The following INPP5D variants were observed in gnomAD, a reference collection of about 807,000 sequenced individuals.
INPP5D encodes the protein inositol polyphosphate-5-phosphatase D.
Under a neutral mutation model 122.9 loss-of-function variants are expected in INPP5D, and 33 were observed. The observed-to-expected ratio is 0.27, with a 90% CI of 0.20 to 0.36. The LOEUF is 0.36. INPP5D is among the 10% of genes least tolerant of loss of function. The pLI, the probability that INPP5D is intolerant of heterozygous loss-of-function variation, is 1.00. For missense variants in INPP5D, 1,053 were observed against 1,412.7 expected (o/e 0.75, Z 4.08); for synonymous variants, 584 against 576.2 (o/e 1.01, Z -0.19).
Position 233,207,715 on chromosome 2 carries a change from C to T in INPP5D, c.*1007C>T, listed in dbSNP as rs1392419739. ...CAGCCTTTTCTTCCTATCTCTGTGG[C>T]TTTCAGCTCTGCTTCCTTGGTTATT... is the stretch of plus-strand genomic sequence containing the variant. On this transcript the variant is annotated 3_prime_UTR_variant, in exon 27 of 27. Coordinates refer to ENST00000445964, the MANE Select transcript of INPP5D (RefSeq NM_001017915.3). This position sits in a 1 kb window ranked among gnomAD's most constrained non-coding sequence, Gnocchi z 4.6. 2.6e-5 allele frequency: 4 copies of T among 152,382 alleles called. No homozygotes were observed. Among genetic ancestry groups the T allele is most frequent in the Non-Finnish European group, 5.9e-5 (4 of 68,054 alleles). 9.4% of individuals were successfully genotyped at this position (152,382 alleles called of 1,614,324 possible). A position where few individuals can be genotyped will look rare whatever the true frequency, so the allele number is the denominator to read the frequency against.
At chr2:233,138,303 TAAAA>T (rs749510803) in intron 5 of INPP5D, among the ~76,000 whole-genome samples, 4,545 of 103,624 alleles carry the variant, frequency 0.044, 158 homozygotes, top group East Asian at 0.29. Context: ...TAAGATTGTC[TAAAA>T]AAAAAAAAAA....
chr2:233,061,022 C>G (rs773383887), intron 1 of INPP5D, among the ~76,000 whole-genome samples: 7 of 152,192 alleles, frequency 4.6e-5, no homozygotes, highest in Non-Finnish European at 1.0e-4. Flanking sequence ...AAGGGGGACC[C>G]TTCCTGGAGC....
In INPP5D at chr2:233,125,911, C is replaced by T; in HGVS notation, c.516C>T (p.Asp172=). ...ETLFQRLQSM[D]TSGLPEEHLK... is the part of the protein sequence containing the mutation. The stretch of plus-strand genomic sequence containing the variant: ...TGTTCCAGCGACTGCAAAGCATGGA[C>T]ACCAGTGGGTGAGTCCCCACTCAAG... Residue 172 remains aspartate (D), a synonymous_variant, in exon 4 of 27, where the codon GAC becomes GAT. Coordinates refer to ENST00000445964, the MANE Select transcript of INPP5D (RefSeq NM_001017915.3). 3 of 1,613,404 alleles carry T rather than the reference C, an allele frequency of 1.9e-6. No homozygotes were observed. Among genetic ancestry groups the T allele is most frequent in the Non-Finnish European group, 2.5e-6 (3 of 1,179,612 alleles).
intron 26 of INPP5D, 151 bp downstream of exon 26, chr2:233,204,868 G>A (rs758038799): frequency 2.4e-6 from 3 of 1,257,664 alleles, no homozygotes; most frequent in Non-Finnish European, 2.1e-6. Flanking sequence ...GCACACATGC[G>A]AGTGATGGTC....
rs28437902 is a variant in INPP5D at position 233,162,003 on chromosome 2, T to C, written c.1240+177T>C. Among the ~76,000 whole-genome samples, 578 of 152,302 alleles carry C rather than the reference T, an allele frequency of 3.8e-3. 6 individuals carry two copies. The highest frequency in any genetic ancestry group is 0.014 in the Middle Eastern group (4 of 294). ...CTCCTTCCTGAGGAATTCCACCCTT[T>C]TCCTGAGATGATGGGTAAGAAAAAC... On this transcript the variant is annotated intron_variant, in intron 11 of 26. Transcript: ENST00000445964.
chr2:233,156,470 A>G (rs944373227), intron 9 of INPP5D, among the ~76,000 whole-genome samples: 1 of 151,934 alleles, frequency 6.6e-6, no homozygotes, highest in African/African-American at 2.4e-5. Flanking sequence ...TTTGTTTTGT[A>G]TTTTAGTAGA....
rs560060210 is a variant in INPP5D at position 233,125,818 on chromosome 2, G to A, written c.423G>A (p.Lys141=). The A allele has an allele frequency of 3.7e-6, 6 of 1,613,964 alleles. No homozygotes were observed. The highest frequency in any genetic ancestry group is 3.3e-5 in the South Asian group (3 of 91,068). Residue 141 remains lysine (K), a synonymous_variant, in exon 4 of 27, where the codon AAG becomes AAA. Coordinates refer to ENST00000445964, the MANE Select transcript of INPP5D (RefSeq NM_001017915.3). ...TGACTGCCAGCTCCTGTGAGGCCAAGGAGGTTCCTTTTTCAAACGAGAATC... is the reference window on the plus strand; with the variant it reads ...TGACTGCCAGCTCCTGTGAGGCCAAAGAGGTTCCTTTTTCAAACGAGAATC... The part of the protein sequence containing the change: ...IPLTASSCEA[K]EVPFSNENPR...
chr2:233,155,384 A>G (rs2106287438), intron 9 of INPP5D, among the ~76,000 whole-genome samples: 1 of 152,274 alleles, frequency 6.6e-6, no homozygotes, highest in South Asian at 2.1e-4. Context: ...GCGCTTTGGG[A>G]GGCCAAGGCA....
chr2:233,137,550 G>A (rs1693499327), intron 5 of INPP5D, among the ~76,000 whole-genome samples: 1 of 150,500 alleles, frequency 6.6e-6, no homozygotes. Flanking sequence ...CTGCCTCCTG[G>A]GTTCAAGCTA....
At chr2:233,154,115 G>A (rs1037580788) in intron 9 of INPP5D, among the ~76,000 whole-genome samples, 5 of 152,000 alleles carry the variant, frequency 3.3e-5, no homozygotes, top group Non-Finnish European at 7.4e-5. Context: ...CAGGAAACAG[G>A]GGACACAAAG....
At chr2:233,167,091 G>A (rs1330445627) in intron 13 of INPP5D, among the ~76,000 whole-genome samples, 1 of 151,622 alleles carries the variant, frequency 6.6e-6, no homozygotes, top group African/African-American at 2.4e-5. Context: ...TAAACACCCT[G>A]CTAGGCACGA....
Position 233,199,885 on chromosome 2 carries a change from C to T in INPP5D, c.2975+1509C>T, listed in dbSNP as rs560517988. On this transcript the variant is annotated intron_variant, in intron 25 of 26. Coordinates refer to ENST00000445964, the MANE Select transcript of INPP5D (RefSeq NM_001017915.3). Reference sequence around the variant, plus strand: ...AGTTAACCTTTGGGCATCTCCCGCTCCCTAGAGGGCCCTGTGGAACAGGGT... The same window carrying T: ...AGTTAACCTTTGGGCATCTCCCGCTTCCTAGAGGGCCCTGTGGAACAGGGT... Among the ~76,000 whole-genome samples, 4 of 152,304 alleles carry T rather than the reference C, an allele frequency of 2.6e-5. No homozygotes were observed. In the East Asian group the frequency reaches 7.7e-4, roughly 29 times the overall value.
intron 26 of INPP5D, 149 bp downstream of exon 26, chr2:233,204,866 G>T (rs1695452989): frequency 7.9e-7 from 1 of 1,273,846 alleles, no homozygotes; most frequent in African/African-American, 1.5e-5. Context: ...GTGCACACAT[G>T]CGAGTGATGG....
Position 233,130,492 on chromosome 2 carries a change from TTTTTC to T in INPP5D, c.525-7_525-3del. ...AAACAGGCAAGCATAGTTTGTTTCT[TTTTTC>T]TTTTCTTTAGGCTTCCAGAAGAGCA... On this transcript the variant is annotated splice_polypyrimidine_tract_variant and intron_variant, in intron 4 of 26. Transcript: ENST00000445964. 6.2e-7 allele frequency: 1 copy of T among 1,612,030 alleles called. No individual in the cohort carries two copies. Among genetic ancestry groups the T allele is most frequent in the Non-Finnish European group, 8.5e-7 (1 of 1,179,300 alleles).
intron 2 of INPP5D, among the ~76,000 whole-genome samples, chr2:233,094,510 CCCAAAAAAAAAAAAA>C (rs1395414228): frequency 1.1e-4 from 3 of 27,798 alleles, no homozygotes; most frequent in Admixed American, 4.9e-4. Flanking sequence ...AAGACTCCAT[CCCAAAAAAAAAAAAA>C]AAAAAAAAAA....
intron 1 of INPP5D, among the ~76,000 whole-genome samples, chr2:233,063,615 G>C (rs1179759638): frequency 1.3e-5 from 2 of 152,236 alleles, no homozygotes; most frequent in Admixed American, 1.3e-4. Flanking sequence ...ATTTCCTCGA[G>C]AGAGGTCAGC....
At chr2:233,154,497 A>C (rs890257669) in intron 9 of INPP5D, among the ~76,000 whole-genome samples, 5 of 152,192 alleles carry the variant, frequency 3.3e-5, no homozygotes, top group Non-Finnish European at 7.4e-5. Context: ...GGGGAGGAAG[A>C]CAGGTTTTAT....
chr2:233,179,166 G>A (rs1237391265), intron 18 of INPP5D, among the ~76,000 whole-genome samples: 2 of 139,524 alleles, frequency 1.4e-5, no homozygotes, highest in African/African-American at 5.2e-5. Context: ...TCATAGCCAC[G>A]GCCAGGGCAT....
Position 233,073,362 on chromosome 2 carries a change from G to A in INPP5D, c.135-5973G>A, listed in dbSNP as rs148463103. On this transcript the variant is annotated intron_variant, in intron 1 of 26. Transcript: ENST00000445964. Reference sequence around the variant, plus strand: ...TATTCTAAAAAATGATCTCTGGACCGGACACAGTGGCTCACGCCTGTAATC... The same window carrying A: ...TATTCTAAAAAATGATCTCTGGACCAGACACAGTGGCTCACGCCTGTAATC... 1.4e-3 allele frequency among the ~76,000 whole-genome samples: 215 copies of A among 152,170 alleles called. 2 individuals are homozygous for A. Among genetic ancestry groups the A allele is most frequent in the African/African-American group, 4.9e-3 (203 of 41,490 alleles).
Sources: gnomAD v4.1 joint callset for allele counts (sites outside exome capture counted in the v4.1 genomes callset) on GRCh38, gnomAD v4.1.1 for gene constraint, Gnocchi (gnomAD v3.1) non-coding constraint, MANE v1.5 for transcripts, NCBI Gene and HGNC (gene_info 2026-07-23, HGNC 2026-07-21) for gene names.